The following STARD6 variants were observed in gnomAD, a reference collection of about 807,000 sequenced individuals.
STARD6 encodes the protein stAR-related lipid transfer protein 6.
In STARD6, 21 loss-of-function variants were observed where a neutral mutation model predicts 22.3. The observed-to-expected ratio is 0.94, with a 90% CI of 0.67 to 1.35. The LOEUF is 1.35. STARD6 is among the 40% of genes most tolerant of loss of function. The probability of loss-of-function intolerance (pLI) is 0.00; values close to 1 mark genes in which losing one functional copy is unlikely to be tolerated. For synonymous variants in STARD6, 80 were observed against 88.1 expected, an observed-to-expected ratio of 0.91 and a Z score of 0.52; for missense variants, 269 against 266.9, an observed-to-expected ratio of 1.01 and a Z score of -0.05.
intron 6 of STARD6, among the ~76,000 whole-genome samples, chr18:54,330,868 G>T (rs1038806700): frequency 6.6e-6 from 1 of 152,036 alleles, no homozygotes; most frequent in Non-Finnish European, 1.5e-5. Flanking sequence ...TACATTATAT[G>T]TGCCCTCATT....
intron 4 of STARD6, among the ~76,000 whole-genome samples, chr18:54,341,870 G>A (rs2088972286): frequency 6.6e-6 from 1 of 152,104 alleles, no homozygotes; most frequent in South Asian, 2.1e-4. Flanking sequence ...ACTAGAAAAT[G>A]AAGAGCAAAC....
intron 4 of STARD6, among the ~76,000 whole-genome samples, chr18:54,343,259 G>A (rs893876654): frequency 6.3e-5 from 5 of 79,200 alleles, no homozygotes; most frequent in African/African-American, 1.2e-4. Flanking sequence ...GAGCCCCTCC[G>A]CCCGGCAGCT....
At chr18:54,326,949 A>G (rs1225099962) in intron 7 of STARD6, among the ~76,000 whole-genome samples, 1 of 152,146 alleles carries the variant, frequency 6.6e-6, no homozygotes, top group African/African-American at 2.4e-5. Context: ...TGTAATGGTT[A>G]AAAGCGTGGA....
In STARD6 at chr18:54,324,520, A is replaced by T; in HGVS notation, c.*172T>A. 1.9e-6 allele frequency: 1 copy of T among 524,398 alleles called. No individual in the cohort carries two copies. The allele number at this position is 524,398 out of a possible 1,614,324, so 32.5% of individuals were successfully genotyped here. ...GATTAAAAACGGTATTTAATGCCAT[A>T]TTCTTGTACAACTATGAGTTCTTAT... On this transcript the variant is annotated 3_prime_UTR_variant, in exon 8 of 8. Coordinates refer to ENST00000307844, the MANE Select transcript of STARD6 (RefSeq NM_139171.2).
chr18:54,336,506 T>C (rs2088914066), intron 5 of STARD6, among the ~76,000 whole-genome samples: 1 of 152,242 alleles, frequency 6.6e-6, no homozygotes, highest in African/African-American at 2.4e-5. Context: ...CTTTCCTTTA[T>C]AAATTACCCA....
At chr18:54,334,384 T>A (rs543236301) in intron 5 of STARD6, among the ~76,000 whole-genome samples, 1 of 152,154 alleles carries the variant, frequency 6.6e-6, no homozygotes, top group Non-Finnish European at 1.5e-5. Flanking sequence ...ATCAAATCAG[T>A]CACTTCCCTG....
intron 4 of STARD6, among the ~76,000 whole-genome samples, chr18:54,344,029 A>G (rs1403747198): frequency 3.9e-3 from 158 of 40,392 alleles, no homozygotes; most frequent in South Asian, 6.8e-3. Context: ...CCTACTGGGA[A>G]GTGAGGAGCC....
Position 54,340,328 on chromosome 18 carries a change from G to T in STARD6, c.141-3077C>A, listed in dbSNP as rs571986823. Among the ~76,000 whole-genome samples, 9 of 152,216 alleles carry T rather than the reference G, an allele frequency of 5.9e-5. No individual in the cohort carries two copies. The South Asian group carries it at 1.9e-3, about 32-fold the overall frequency. On this transcript the variant is annotated intron_variant, in intron 4 of 7. Transcript: ENST00000307844. ...TTTATATCTTACTGGAATTAAGTTT[G>T]TATACATCTGCAGTAGATTCTGATG...
At chr18:54,326,359 T>G (rs1357594999) in intron 7 of STARD6, among the ~76,000 whole-genome samples, 1 of 139,974 alleles carries the variant, frequency 7.1e-6, no homozygotes, top group Non-Finnish European at 1.5e-5. Flanking sequence ...TGAGACGGGG[T>G]CTCACTCTGT....
At chr18:54,341,252 G>A (rs1311668182) in intron 4 of STARD6, among the ~76,000 whole-genome samples, 1 of 152,116 alleles carries the variant, frequency 6.6e-6, no homozygotes, top group African/African-American at 2.4e-5. Flanking sequence ...GTAGAGACGG[G>A]GTTTCACCGT....
At chr18:54,346,870 A>T (rs2089041698) in intron 4 of STARD6, among the ~76,000 whole-genome samples, 1 of 152,110 alleles carries the variant, frequency 6.6e-6, no homozygotes, top group African/African-American at 2.4e-5. Flanking sequence ...TAAAAGGCAG[A>T]AACTGTCACC....
chr18:54,334,262 ATAGCCTCATAACTTTTTGCTGATTTCG>A (rs1467312463), intron 5 of STARD6, among the ~76,000 whole-genome samples: 5 of 152,150 alleles, frequency 3.3e-5, no homozygotes, highest in African/African-American at 1.2e-4. Context: ...GATTACTCTC[ATAGCCTCATAACTTTTTGCTGATTTCG>A]TAGCCTCATA....
chr18:54,351,394 A>G (rs2089094684), intron 4 of STARD6, among the ~76,000 whole-genome samples: 1 of 152,172 alleles, frequency 6.6e-6, no homozygotes, highest in Admixed American at 6.5e-5. Flanking sequence ...TTTTATAGGT[A>G]TACAATCATA....
In STARD6 at chr18:54,324,630, TAAACAG is replaced by T; in HGVS notation, c.*56_*61del. On this transcript the variant is annotated 3_prime_UTR_variant, in exon 8 of 8. Transcript: ENST00000307844. ...TTATTTATGTGCGTTGACTTAGAAGTAAACAGCAATAACTACTACACATGATTTTAT... is the reference window on the plus strand; with the variant it reads ...TTATTTATGTGCGTTGACTTAGAAGTCAATAACTACTACACATGATTTTAT... 6.6e-7 allele frequency: 1 copy of T among 1,523,788 alleles called. No homozygotes were observed. Among genetic ancestry groups the T allele is most frequent in the Non-Finnish European group, 9.0e-7 (1 of 1,108,220 alleles). 94.4% of individuals were successfully genotyped at this position (1,523,788 alleles called of 1,614,324 possible).
At chr18:54,331,603 C>T (rs192180538) in intron 6 of STARD6, 139 bp downstream of exon 6, 4 of 621,838 alleles carry the variant, frequency 6.4e-6, no homozygotes, top group Admixed American at 2.8e-5. Context: ...CTACATGATA[C>T]GTCTAATTGT....
intron 5 of STARD6, among the ~76,000 whole-genome samples, chr18:54,336,137 C>T (rs2088909571): frequency 6.6e-6 from 1 of 152,164 alleles, no homozygotes; most frequent in African/African-American, 2.4e-5. Context: ...CAACTTTCTA[C>T]TCCAATTACA....
At chr18:54,345,567 G>A (rs1787814) in intron 4 of STARD6, among the ~76,000 whole-genome samples, 10,038 of 152,176 alleles carry the variant, frequency 0.066, 380 homozygotes, top group African/African-American at 0.087. Flanking sequence ...GTCTTGCTCT[G>A]TTGCTGAGGC....
At chr18:54,354,391 G>A in intron 3 of STARD6, 93 bp downstream of exon 3, 1 of 1,162,046 alleles carries the variant, frequency 8.6e-7, no homozygotes, top group Non-Finnish European at 1.2e-6. Context: ...ACTGCACCTG[G>A]AACAGAAAAT....
intron 6 of STARD6, among the ~76,000 whole-genome samples, chr18:54,331,468 A>G (rs2088864058): frequency 6.6e-6 from 1 of 152,294 alleles, no homozygotes; most frequent in Admixed American, 6.5e-5. Flanking sequence ...ATGTATACCC[A>G]AAGTTTTAGG....
Sources: gnomAD v4.1 joint callset for allele counts (sites outside exome capture counted in the v4.1 genomes callset) on GRCh38, gnomAD v4.1.1 for gene constraint, MANE v1.5 for transcripts, NCBI Gene and HGNC (gene_info 2026-07-23, HGNC 2026-07-21) for gene names.